Variants in PHKB observed in about 807,000 individuals in gnomAD.
PHKB encodes phosphorylase kinase regulatory subunit beta.
In PHKB, 122 loss-of-function variants were observed where a neutral mutation model predicts 152.1. The ratio of observed to expected loss-of-function variants is 0.80; its 90% CI spans 0.69 to 0.93. PHKB has a LOEUF of 0.93. Ranked by LOEUF, PHKB falls within the 40% of genes least tolerant of loss-of-function variation. The probability of loss-of-function intolerance (pLI) is 0.00; values close to 1 mark genes in which losing one functional copy is unlikely to be tolerated. For missense variants in PHKB, 1,304 were observed against 1,328.4 expected (o/e 0.98, Z 0.29); for synonymous variants, 436 against 464.9 (o/e 0.94, Z 0.80).
intron 16 of PHKB, among the ~76,000 whole-genome samples, chr16:47,647,453 C>T (rs534739703): frequency 6.6e-6 from 1 of 151,908 alleles, no homozygotes; most frequent in Non-Finnish European, 1.5e-5. Flanking sequence ...TTTCTTCAAT[C>T]ATTTCAACAT....
chr16:47,660,647 T>C lies in PHKB; in HGVS notation c.2034-10T>C, dbSNP rs1286053789. 1 of 1,613,772 alleles carries C rather than the reference T, an allele frequency of 6.2e-7. No individual in the cohort carries two copies. Reference sequence around the variant, plus strand: ...GCAGAAAATATGAAACCTTTTCTTTTAATTTTTAGGCTTCCAGAATTTAAG... The same window carrying C: ...GCAGAAAATATGAAACCTTTTCTTTCAATTTTTAGGCTTCCAGAATTTAAG... On this transcript the variant is annotated splice_polypyrimidine_tract_variant and intron_variant, in intron 21 of 30. Coordinates refer to ENST00000323584, the MANE Select transcript of PHKB (RefSeq NM_000293.3).
chr16:47,691,364 A>G (rs945114401), intron 27 of PHKB, among the ~76,000 whole-genome samples: 2 of 152,218 alleles, frequency 1.3e-5, no homozygotes, highest in Non-Finnish European at 2.9e-5. Flanking sequence ...ATAGTATTGT[A>G]TCATTGTTTA....
At chr16:47,630,369 C>G (rs892077542) in intron 14 of PHKB, among the ~76,000 whole-genome samples, 1 of 151,968 alleles carries the variant, frequency 6.6e-6, no homozygotes, top group African/African-American at 2.4e-5. Flanking sequence ...GTAATCCCAG[C>G]TACTCGGGAG....
At chr16:47,487,183 C>G (rs979526534) in intron 1 of PHKB, among the ~76,000 whole-genome samples, 1 of 152,160 alleles carries the variant, frequency 6.6e-6, no homozygotes, top group African/African-American at 2.4e-5. Flanking sequence ...TTTTTAACTT[C>G]CAGTATCAGT....
chr16:47,643,205 G>T (rs998521195), intron 16 of PHKB, among the ~76,000 whole-genome samples: 1 of 152,138 alleles, frequency 6.6e-6, no homozygotes, highest in African/African-American at 2.4e-5. Flanking sequence ...CTTGAATGTG[G>T]TATTCATTCA....
At chr16:47,558,661 G>A (rs1435465571) in intron 7 of PHKB, among the ~76,000 whole-genome samples, 5 of 152,302 alleles carry the variant, frequency 3.3e-5, no homozygotes, top group African/African-American at 4.8e-5. Flanking sequence ...CAAGTCTCCT[G>A]CCTCAGCCTC....
intron 2 of PHKB, 96 bp from the exon 3 acceptor site, chr16:47,499,660 A>G: frequency 7.0e-7 from 1 of 1,432,264 alleles, no homozygotes; most frequent in Non-Finnish European, 9.8e-7. Flanking sequence ...CAAAATCGTC[A>G]GAAGTGGGAT....
rs971564861 is a variant in PHKB at position 47,650,828 on chromosome 16, T to C, written c.1881-3T>C. 6.2e-7 allele frequency: 1 copy of C among 1,606,444 alleles called. No individual in the cohort carries two copies. Among genetic ancestry groups the C allele is most frequent in the Middle Eastern group, 1.7e-4 (1 of 6,048 alleles). On this transcript the variant is annotated splice_polypyrimidine_tract_variant and splice_region_variant and intron_variant, in intron 19 of 30. Transcript: ENST00000323584. ...GTACATTTTGTTTATTTATATTTTT[T>C]AGAGGTAGCCGGTTCAACCCCATAT... is the stretch of plus-strand genomic sequence containing the variant.
chr16:47,667,736 A>G (rs912941615), intron 25 of PHKB, among the ~76,000 whole-genome samples: 3 of 152,224 alleles, frequency 2.0e-5, no homozygotes, highest in African/African-American at 7.2e-5. Flanking sequence ...TTAACTCTGC[A>G]TATGAACATT....
chr16:47,646,533 A>G (rs1007947591), intron 16 of PHKB, among the ~76,000 whole-genome samples: 1 of 148,180 alleles, frequency 6.7e-6, no homozygotes, highest in Non-Finnish European at 1.5e-5. Flanking sequence ...AGTATAATAA[A>G]AAAAAAAAAA....
At chr16:47,614,023 G>C (rs544668824) in intron 14 of PHKB, among the ~76,000 whole-genome samples, 18 of 152,292 alleles carry the variant, frequency 1.2e-4, no homozygotes, top group Admixed American at 7.2e-4. Flanking sequence ...TTGGCTCATG[G>C]TAATTTGTAA....
chr16:47,538,798 C>T (rs966971606), intron 6 of PHKB, among the ~76,000 whole-genome samples: 4 of 152,216 alleles, frequency 2.6e-5, no homozygotes, highest in African/African-American at 9.7e-5. Context: ...AGTTCCCTCC[C>T]ATGTGCTTTC....
At chr16:47,680,283 T>C (rs568368612) in intron 26 of PHKB, among the ~76,000 whole-genome samples, 1 of 152,352 alleles carries the variant, frequency 6.6e-6, no homozygotes, top group Non-Finnish European at 1.5e-5. Flanking sequence ...GCTGGCCTCA[T>C]AAAATGAGTT....
chr16:47,516,117 G>T (rs1245009537), intron 6 of PHKB, among the ~76,000 whole-genome samples: 1 of 151,922 alleles, frequency 6.6e-6, no homozygotes, highest in African/African-American at 2.4e-5. Flanking sequence ...TAGTAGAGAC[G>T]GGGTTTCACC....
intron 30 of PHKB, chr16:47,699,014 A>G: frequency 8.6e-6 from 5 of 581,080 alleles, no homozygotes; most frequent in Non-Finnish European, 1.5e-5. Context: ...TTCTCTAAGT[A>G]AATAAAAATT....
intron 14 of PHKB, among the ~76,000 whole-genome samples, chr16:47,638,240 T>A (rs938336745): frequency 6.6e-6 from 1 of 152,152 alleles, no homozygotes; most frequent in Middle Eastern, 3.4e-3. Flanking sequence ...TGACAGATAA[T>A]CCAAATGTCT....
intron 9 of PHKB, 22 bp from the exon 10 acceptor site, chr16:47,588,883 C>A: frequency 6.3e-7 from 1 of 1,599,676 alleles, no homozygotes; most frequent in Non-Finnish European, 8.6e-7. Context: ...CACTCACAGT[C>A]TCTCTTTCTC....
intron 6 of PHKB, among the ~76,000 whole-genome samples, chr16:47,546,505 A>G (rs765789572): frequency 3.9e-5 from 6 of 152,098 alleles, no homozygotes; most frequent in Admixed American, 1.3e-4. Context: ...ACCCAGCTGT[A>G]TGAGGTGTTA....
chr16:47,645,327 T>C (rs1272767824), intron 16 of PHKB, among the ~76,000 whole-genome samples: 1 of 130,864 alleles, frequency 7.6e-6, no homozygotes, highest in Non-Finnish European at 1.6e-5. Flanking sequence ...GGTTTTCTTC[T>C]AGGGTTTTTA....
Sources: gnomAD v4.1 joint callset for allele counts (sites outside exome capture counted in the v4.1 genomes callset) on GRCh38, gnomAD v4.1.1 for gene constraint, MANE v1.5 for transcripts, NCBI Gene and HGNC (gene_info 2026-07-23, HGNC 2026-07-21) for gene names.